RABGAP1L: variants seen among roughly 807,000 people sequenced by gnomAD.
The protein encoded by RABGAP1L is RAB GTPase activating protein 1 like, also known as rab GTPase-activating protein 1-like.
A neutral mutation model predicts 137.7 loss-of-function variants in RABGAP1L; 63 were observed. The ratio of observed to expected loss-of-function variants is 0.46; its 90% CI spans 0.37 to 0.56. The LOEUF is 0.56. Among genes scored for constraint, RABGAP1L ranks in the 20% least tolerant of loss-of-function variants. The probability of loss-of-function intolerance (pLI) is 0.00; values close to 1 mark genes in which losing one functional copy is unlikely to be tolerated. For missense variants in RABGAP1L, 1,095 were observed against 1,244.0 expected, an observed-to-expected ratio of 0.88 and a Z score of 1.80; for synonymous variants, 431 against 433.7, an observed-to-expected ratio of 0.99 and a Z score of 0.08.
chr1:174,241,851 C>T (rs1671854590), intron 5 of RABGAP1L, among the ~76,000 whole-genome samples, 194 bp downstream of exon 5: 1 of 152,190 alleles, frequency 6.6e-6, no homozygotes, highest in African/African-American at 2.4e-5. Flanking sequence ...AGGGCACTCT[C>T]ACAGCTTAGC....
intron 11 of RABGAP1L, among the ~76,000 whole-genome samples, chr1:174,361,251 G>C (rs1356793852): frequency 6.7e-6 from 1 of 148,752 alleles, no homozygotes; most frequent in Non-Finnish European, 1.5e-5. Context: ...GCTCAGAATG[G>C]CTTTGACTAT....
chr1:174,525,206 G>A (rs1337205238), intron 13 of RABGAP1L, among the ~76,000 whole-genome samples: 3 of 151,844 alleles, frequency 2.0e-5, no homozygotes, highest in East Asian at 1.9e-4. Context: ...TATAGGGATC[G>A]AATTAAATTT....
rs1009861880 is a variant in RABGAP1L at position 174,800,146 on chromosome 1, G to A, written c.2212-11686G>A. 9 of 1,387,742 alleles carry A rather than the reference G, an allele frequency of 6.5e-6. No individual in the cohort carries two copies. In the South Asian group the frequency reaches 1.6e-4, roughly 24 times the overall value. The allele number at this position is 1,387,742 out of a possible 1,614,324, so 86.0% of individuals were successfully genotyped here. A position where few individuals can be genotyped will look rare whatever the true frequency, so the allele number is the denominator to read the frequency against. On this transcript the variant is annotated intron_variant, in intron 18 of 25. Coordinates refer to ENST00000681986, the MANE Select transcript of RABGAP1L (RefSeq NM_001366446.1). ...TCATTTTCATTTTCCAGTCTACTTT[G>A]GGGTTCTCGCAGTGGATAATTTAGC...
chr1:174,969,785 A>G (rs1182096481), intron 21 of RABGAP1L, among the ~76,000 whole-genome samples: 1 of 152,210 alleles, frequency 6.6e-6, no homozygotes, highest in East Asian at 1.9e-4. Context: ...TACATGAAGT[A>G]CCTACATTAA....
At chr1:174,534,924 A>G (rs1369029847) in intron 13 of RABGAP1L, among the ~76,000 whole-genome samples, 1 of 152,178 alleles carries the variant, frequency 6.6e-6, no homozygotes, top group East Asian at 1.9e-4. Context: ...ATCTGATGAC[A>G]GTTGAATGGT....
At chr1:174,468,201 A>G (rs1452833086) in intron 13 of RABGAP1L, among the ~76,000 whole-genome samples, 3 of 152,062 alleles carry the variant, frequency 2.0e-5, no homozygotes, top group Non-Finnish European at 4.4e-5. Flanking sequence ...TTTCTTTTAT[A>G]TTGTATAGTC....
chr1:174,630,692 AG>A (rs1281084395), intron 13 of RABGAP1L, among the ~76,000 whole-genome samples: 2 of 138,244 alleles, frequency 1.4e-5, no homozygotes, highest in African/African-American at 5.7e-5. Context: ...AGGTGTTTGT[AG>A]TATTCTCTGA....
At chr1:174,546,945 G>A (rs1428075509) in intron 13 of RABGAP1L, among the ~76,000 whole-genome samples, 2 of 148,080 alleles carry the variant, frequency 1.4e-5, no homozygotes, top group African/African-American at 5.0e-5. Flanking sequence ...CAGGAGAATG[G>A]CGTGAACCCG....
At chr1:174,960,198 C>T (rs1385614217) in intron 20 of RABGAP1L, among the ~76,000 whole-genome samples, 2 of 151,976 alleles carry the variant, frequency 1.3e-5, no homozygotes, top group African/African-American at 2.4e-5. Context: ...TTTTAAAGCC[C>T]ACATATGTTA....
At chr1:174,358,581 G>T (rs957839670) in intron 11 of RABGAP1L, among the ~76,000 whole-genome samples, 1 of 152,182 alleles carries the variant, frequency 6.6e-6, no homozygotes, top group Non-Finnish European at 1.5e-5. Context: ...CAGAGTACGT[G>T]ACTGCTTCTT....
At chr1:174,825,069 A>G (rs1329201188) in intron 19 of RABGAP1L, among the ~76,000 whole-genome samples, 1 of 152,212 alleles carries the variant, frequency 6.6e-6, no homozygotes, top group Non-Finnish European at 1.5e-5. Context: ...CTGTGAGAGG[A>G]ACAGAGCTAT....
At chr1:174,576,355 G>A (rs1423711334) in intron 13 of RABGAP1L, among the ~76,000 whole-genome samples, 9 of 151,950 alleles carry the variant, frequency 5.9e-5, no homozygotes, top group East Asian at 1.9e-4. Flanking sequence ...TCATGCGTCC[G>A]TTTATAGGCT....
intron 18 of RABGAP1L, chr1:174,800,520 A>G (rs1427095778): frequency 6.5e-7 from 1 of 1,549,282 alleles, no homozygotes; most frequent in South Asian, 1.2e-5. Flanking sequence ...TTTTTCATTG[A>G]ACTTCATTTG....
At chr1:174,721,687 TACCA>T (rs1230213696) in intron 17 of RABGAP1L, among the ~76,000 whole-genome samples, 16 of 152,304 alleles carry the variant, frequency 1.1e-4, no homozygotes, top group African/African-American at 3.9e-4. Context: ...AGTTAGCAGT[TACCA>T]AATAGGGGAA....
intron 8 of RABGAP1L, among the ~76,000 whole-genome samples, chr1:174,274,259 T>C (rs1415789346): frequency 6.6e-6 from 1 of 152,128 alleles, no homozygotes; most frequent in East Asian, 1.9e-4. Flanking sequence ...TAAATGAAGA[T>C]ATATTTTTCA....
chr1:174,389,043 G>A (rs1571571068), intron 12 of RABGAP1L, among the ~76,000 whole-genome samples: 2 of 151,570 alleles, frequency 1.3e-5, no homozygotes. Context: ...TACATATTTA[G>A]TAGGCATTTT....
intron 19 of RABGAP1L, among the ~76,000 whole-genome samples, chr1:174,937,368 T>C (rs932698384): frequency 6.6e-6 from 1 of 151,374 alleles, no homozygotes; most frequent in African/African-American, 2.4e-5. Context: ...CACTGCAACC[T>C]CTGCCTCCCT....
At chr1:174,704,004 C>A (rs1350065306) in intron 17 of RABGAP1L, among the ~76,000 whole-genome samples, 1 of 151,882 alleles carries the variant, frequency 6.6e-6, no homozygotes, top group Non-Finnish European at 1.5e-5. Flanking sequence ...ATTCTCTTTT[C>A]TTTCTCTTTT....
chr1:174,622,842 C>G (rs561685826), intron 13 of RABGAP1L, among the ~76,000 whole-genome samples: 43 of 152,296 alleles, frequency 2.8e-4, no homozygotes, highest in African/African-American at 1.0e-3. Flanking sequence ...TACCCTAAAA[C>G]TTAAAGTATA....
Sources: gnomAD v4.1 joint callset for allele counts (sites outside exome capture counted in the v4.1 genomes callset) on GRCh38, gnomAD v4.1.1 for gene constraint, MANE v1.5 for transcripts, NCBI Gene and HGNC (gene_info 2026-07-23, HGNC 2026-07-21) for gene names.